Variants in LRTM1 observed in about 807,000 individuals in gnomAD.
LRTM1 encodes leucine rich repeat transmembrane protein 1.
Under a neutral mutation model 32.4 loss-of-function variants are expected in LRTM1, and 38 were observed. That is an observed-to-expected ratio of 1.17 (90% confidence interval 0.91 to 1.54). LRTM1 has a LOEUF of 1.54. Ranked by LOEUF, LRTM1 falls within the 40% of genes most tolerant of loss-of-function variation. LRTM1 has a pLI of 0.00. For synonymous variants in LRTM1, 186 were observed against 169.9 expected (o/e 1.09, Z -0.74); for missense variants, 466 against 415.4 (o/e 1.12, Z -1.06).
At chr3:54,946,529 G>C (rs569248064) in intron 1 of LRTM1, among the ~76,000 whole-genome samples, 9 of 152,254 alleles carry the variant, frequency 5.9e-5, no homozygotes, top group Non-Finnish European at 1.2e-4. Context: ...AGAAGAGAAA[G>C]CCTCTTAGAA....
At position 54,924,905 on chromosome 3, in the gene LRTM1, G is replaced by T; in HGVS notation, c.318C>A (p.Thr106=). 1 of 1,613,584 alleles carries T rather than the reference G, an allele frequency of 6.2e-7. No homozygotes were observed. The change falls in exon 2 of 3, where the codon ACC becomes ACA. Residue 106 remains threonine (T), a synonymous_variant. Transcript: ENST00000273286. ...GLQHLQVLNL[T]QNSLLSLESR... ...TTTCCAGGGAAAGGAGTGAATTCTG[G>T]GTTAGATTTAAAACCTGCAAGTGCT... is the stretch of plus-strand genomic sequence containing the variant.
At chr3:54,965,538 C>A (rs1038500051) in intron 1 of LRTM1, among the ~76,000 whole-genome samples, 1 of 152,184 alleles carries the variant, frequency 6.6e-6, no homozygotes, top group Non-Finnish European at 1.5e-5. Flanking sequence ...GTAGCTTTTA[C>A]AATGGATCTA....
intron 1 of LRTM1, among the ~76,000 whole-genome samples, chr3:54,960,474 C>G (rs769998233): frequency 3.9e-5 from 6 of 152,296 alleles, no homozygotes; most frequent in South Asian, 2.1e-4. Context: ...GGTGTTTCTG[C>G]TGCTGTGAGA....
intron 1 of LRTM1, among the ~76,000 whole-genome samples, chr3:54,965,764 C>A (rs1399332120): frequency 6.6e-6 from 1 of 152,122 alleles, no homozygotes; most frequent in Non-Finnish European, 1.5e-5. Flanking sequence ...GTCAGCTAGC[C>A]GGAACACAGC....
chr3:54,943,063 G>A (rs1403086863), intron 1 of LRTM1, among the ~76,000 whole-genome samples: 1 of 151,906 alleles, frequency 6.6e-6, no homozygotes, highest in African/African-American at 2.4e-5. Context: ...TTAACCATGT[G>A]TGGTAGCAGG....
At chr3:54,960,095 A>T (rs965117228) in intron 1 of LRTM1, among the ~76,000 whole-genome samples, 1 of 151,432 alleles carries the variant, frequency 6.6e-6, no homozygotes, top group Non-Finnish European at 1.5e-5. Flanking sequence ...AAAAAAAACC[A>T]AAGTGATTAT....
At chr3:54,952,263 G>T (rs553673242) in intron 1 of LRTM1, among the ~76,000 whole-genome samples, 1 of 152,192 alleles carries the variant, frequency 6.6e-6, no homozygotes, top group Non-Finnish European at 1.5e-5. Context: ...CAGCACCCCT[G>T]TGGGCACAGG....
chr3:54,956,093 A>G (rs1240540121), intron 1 of LRTM1, among the ~76,000 whole-genome samples: 1 of 151,932 alleles, frequency 6.6e-6, no homozygotes, highest in Non-Finnish European at 1.5e-5. Context: ...CCCTCCTCAT[A>G]ATCACCTCAT....
intron 1 of LRTM1, among the ~76,000 whole-genome samples, chr3:54,955,586 G>A (rs1299626376): frequency 6.6e-6 from 1 of 152,178 alleles, no homozygotes; most frequent in African/African-American, 2.4e-5. Flanking sequence ...CAGCTTCTAA[G>A]GTCTATCAGC....
chr3:54,925,902 A>T lies in LRTM1; in HGVS notation c.8-687T>A, dbSNP rs1701000457. Among the ~76,000 whole-genome samples, 4 of 152,246 alleles carry T rather than the reference A, an allele frequency of 2.6e-5. No homozygotes were observed. The South Asian group carries it at 8.3e-4, about 31-fold the overall frequency. On this transcript the variant is annotated intron_variant, in intron 1 of 2. Coordinates refer to ENST00000273286, the MANE Select transcript of LRTM1 (RefSeq NM_020678.4). Reference sequence around the variant, plus strand: ...TGCCGTTGTAATTCCATGAACAAGGATAGTGTCTGCTGCTTTTTTATTCAA... The same window carrying T: ...TGCCGTTGTAATTCCATGAACAAGGTTAGTGTCTGCTGCTTTTTTATTCAA...
chr3:54,934,798 C>T (rs546149799), intron 1 of LRTM1, among the ~76,000 whole-genome samples: 3 of 152,244 alleles, frequency 2.0e-5, no homozygotes, highest in South Asian at 4.2e-4. Flanking sequence ...GTGGCGCTAT[C>T]GTAGCTCACT....
At position 54,918,330 on chromosome 3, in the gene LRTM1, T is replaced by TC. The variant is rs745592681; in HGVS notation, c.*128_*129insG. On this transcript the variant is annotated 3_prime_UTR_variant, in exon 3 of 3. Transcript: ENST00000273286. ...TTTTTTACAGACACATCTTTTTTTT[T>TC]TCTTTTTTTTTTTTTTTTTTTTTTT... is the stretch of plus-strand genomic sequence containing the variant. 1,760 of 334,630 alleles carry TC rather than the reference T, an allele frequency of 5.3e-3. 39 individuals carry two copies. The African/African-American group carries it at 0.07, about 13-fold the overall frequency. 20.7% of individuals were successfully genotyped at this position (334,630 alleles called of 1,614,324 possible). A position where few individuals can be genotyped will look rare whatever the true frequency, so the allele number is the denominator to read the frequency against.
intron 1 of LRTM1, among the ~76,000 whole-genome samples, chr3:54,966,109 A>G (rs561862545): frequency 6.6e-6 from 1 of 152,134 alleles, no homozygotes; most frequent in East Asian, 1.9e-4. Context: ...GGAGGTGAAG[A>G]TGAGGGCTCC....
chr3:54,931,217 C>T (rs1701180826), upstream of LRTM1, among the ~76,000 whole-genome samples: 1 of 152,184 alleles, frequency 6.6e-6, no homozygotes. Flanking sequence ...TAGAGAAGCC[C>T]CAGAGCTAAT....
intron 2 of LRTM1, among the ~76,000 whole-genome samples, chr3:54,921,668 C>G (rs1472391020): frequency 6.6e-6 from 1 of 152,068 alleles, no homozygotes; most frequent in African/African-American, 2.4e-5. Context: ...TGTAATCCGC[C>G]ATGCATTTTG....
intron 1 of LRTM1, among the ~76,000 whole-genome samples, chr3:54,942,051 G>A (rs1012262861): frequency 3.3e-5 from 5 of 152,176 alleles, no homozygotes; most frequent in South Asian, 2.1e-4. Context: ...GTAAAAATGC[G>A]TCCTCAGTCA....
At chr3:54,944,514 G>A (rs1701559954) in intron 1 of LRTM1, among the ~76,000 whole-genome samples, 1 of 151,924 alleles carries the variant, frequency 6.6e-6, no homozygotes, top group South Asian at 2.1e-4. Context: ...TCTGCCTCCC[G>A]GGTTCACGCC....
At chr3:54,920,284 G>A (rs1416546852) in intron 2 of LRTM1, among the ~76,000 whole-genome samples, 1 of 152,202 alleles carries the variant, frequency 6.6e-6, no homozygotes, top group African/African-American at 2.4e-5. Flanking sequence ...AAGTGGCCCT[G>A]TAAGTAGATA....
At chr3:54,935,638 T>G (rs1465488716) in intron 1 of LRTM1, among the ~76,000 whole-genome samples, 1 of 152,230 alleles carries the variant, frequency 6.6e-6, no homozygotes, top group African/African-American at 2.4e-5. Context: ...ACACATGAAA[T>G]GAGTGTTTTT....
Sources: allele counts gnomAD v4.1 joint callset (sites outside exome capture counted in the v4.1 genomes callset), GRCh38; gene constraint gnomAD v4.1.1; transcripts MANE v1.5; gene names NCBI Gene and HGNC (gene_info 2026-07-23, HGNC 2026-07-21).